CNOT6L: variants seen among roughly 807,000 people sequenced by gnomAD.
CNOT6L encodes CCR4-NOT transcription complex subunit 6-like.
Under a neutral mutation model 64.0 loss-of-function variants are expected in CNOT6L, and 7 were observed. The observed-to-expected ratio is 0.11, with a 90% confidence interval of 0.06 to 0.21. The LOEUF (loss-of-function observed/expected upper bound fraction) is 0.21. CNOT6L is among the 10% of genes least tolerant of loss of function. The probability of loss-of-function intolerance (pLI) is 1.00; values close to 1 mark genes in which losing one functional copy is unlikely to be tolerated. For synonymous variants in CNOT6L, 193 were observed against 243.4 expected (o/e 0.79, Z 1.93); for missense variants, 245 against 669.0 (o/e 0.37, Z 6.99).
At chr4:77,796,571 C>T (rs770108900) in intron 1 of CNOT6L, among the ~76,000 whole-genome samples, 15 of 152,056 alleles carry the variant, frequency 9.9e-5, no homozygotes, top group Middle Eastern at 3.2e-3. Flanking sequence ...TTCTTGCCTG[C>T]GAACCAGGAG....
Position 77,718,233 on chromosome 4 carries a change from G to A in CNOT6L, c.*2198C>T, listed in dbSNP as rs1720948428. 6.6e-6 allele frequency: 1 copy of A among 152,428 alleles called. No homozygotes were observed. Among genetic ancestry groups the A allele is most frequent in the Admixed American group, 6.6e-5 (1 of 15,248 alleles). The allele number at this position is 152,428 out of a possible 1,614,324, so 9.4% of individuals were successfully genotyped here. On this transcript the variant is annotated 3_prime_UTR_variant, in exon 12 of 12. Coordinates refer to ENST00000504123, the MANE Select transcript of CNOT6L (RefSeq NM_144571.3). ...AATTAACATGCGTATATGAAAGGAG[G>A]AAAATGTTTTGTTAGTGCATATACC...
intron 1 of CNOT6L, among the ~76,000 whole-genome samples, chr4:77,806,357 G>A (rs970548470): frequency 6.6e-5 from 10 of 151,958 alleles, no homozygotes; most frequent in Admixed American, 1.3e-4. Context: ...CCTGGGAGGC[G>A]GAGGTTGCAG....
At chr4:77,779,050 A>AAAAAAAAAAAAAAC in intron 1 of CNOT6L, among the ~76,000 whole-genome samples, 1 of 95,668 alleles carries the variant, frequency 1.0e-5, no homozygotes, top group African/African-American at 3.7e-5. Flanking sequence ...CTGTCTCAAA[A>AAAAAAAAAAAAAAC]AAAAAAAAAA....
chr4:77,725,200 C>G (rs538928673), intron 11 of CNOT6L, among the ~76,000 whole-genome samples: 4 of 152,092 alleles, frequency 2.6e-5, no homozygotes, highest in Non-Finnish European at 5.9e-5. Context: ...TAACAACACA[C>G]GAATTTCTTT....
chr4:77,810,032 T>C (rs1303212735), intron 1 of CNOT6L, among the ~76,000 whole-genome samples: 1 of 152,062 alleles, frequency 6.6e-6, no homozygotes, highest in Non-Finnish European at 1.5e-5. Flanking sequence ...ATAAATTGTA[T>C]CTGTATCAAA....
intron 1 of CNOT6L, among the ~76,000 whole-genome samples, chr4:77,789,873 C>G (rs1391713191): frequency 1.4e-5 from 2 of 144,272 alleles, no homozygotes; most frequent in Admixed American, 1.5e-4. Flanking sequence ...ATTGCTTGAG[C>G]CCAAGAAGTG....
In CNOT6L at chr4:77,717,007, A is replaced by C. The variant is rs937254983; in HGVS notation, c.*3424T>G. The stretch of plus-strand genomic sequence containing the variant: ...GCCTTACATCAAAGAAATGAAACAA[A>C]AATATTCAGCTATGTTATTATACAA... On this transcript the variant is annotated 3_prime_UTR_variant, in exon 12 of 12. Transcript: ENST00000504123. The C allele has an allele frequency of 2.0e-5, 3 of 152,566 alleles. No individual in the cohort carries two copies. Among genetic ancestry groups the C allele is most frequent in the Non-Finnish European group, 2.9e-5 (2 of 68,028 alleles). The allele number at this position is 152,566 out of a possible 1,614,324, so 9.5% of individuals were successfully genotyped here.
intron 1 of CNOT6L, among the ~76,000 whole-genome samples, chr4:77,813,934 A>T (rs1733258074): frequency 6.6e-6 from 1 of 152,190 alleles, no homozygotes; most frequent in Admixed American, 6.5e-5. Flanking sequence ...CATACATAAG[A>T]ACTTGTACAT....
intron 1 of CNOT6L, among the ~76,000 whole-genome samples, chr4:77,815,287 AT>A (rs1367199520): frequency 6.6e-6 from 1 of 152,210 alleles, no homozygotes; most frequent in African/African-American, 2.4e-5. Context: ...CACAATGACA[AT>A]CAATAACTGG....
At chr4:77,727,562 C>CAAAAAAA (rs55848621) in intron 10 of CNOT6L, among the ~76,000 whole-genome samples, 3 of 84,598 alleles carry the variant, frequency 3.5e-5, no homozygotes, top group Non-Finnish European at 4.4e-5. Context: ...AACTCTGTCT[C>CAAAAAAA]AAAAAAAAAA....
In CNOT6L at chr4:77,774,684, A is replaced by C. The variant is rs1417492991; in HGVS notation, c.160T>G (p.Ser54Ala). 9 of 1,611,250 alleles carry C rather than the reference A, an allele frequency of 5.6e-6. No homozygotes were observed. The highest frequency in any genetic ancestry group is 1.3e-5 in the African/African-American group (1 of 74,684). The change falls in exon 3 of 12, where the codon TCA becomes GCA. Residue 54 changes from serine to alanine, a missense_variant. This residue lies in a region of CNOT6L where 78 missense variants were observed against 137.6 expected (regional missense o/e 0.57). Coordinates refer to ENST00000504123, the MANE Select transcript of CNOT6L (RefSeq NM_144571.3). Reference protein sequence around the residue: ...RVRSLSTSLWSLTHLTALHLN... With the variant: ...RVRSLSTSLWALTHLTALHLN... ...TGCAGCGCTGTCAAGTGTGTCAATG[A>C]CCAAAGTGATGTACTTAGGCTCCGC...
rs540557415 is a variant in CNOT6L at position 77,719,449 on chromosome 4, C to G, written c.*982G>C. ...TCTATGTTGGAAACACATAAAATATCTGTATGATTTTCCCCATCTGAAACT... is the reference window on the plus strand; with the variant it reads ...TCTATGTTGGAAACACATAAAATATGTGTATGATTTTCCCCATCTGAAACT... On this transcript the variant is annotated 3_prime_UTR_variant, in exon 12 of 12. Transcript: ENST00000504123. 6.5e-6 allele frequency: 1 copy of G among 152,700 alleles called. No homozygotes were observed. Among genetic ancestry groups the G allele is most frequent in the Admixed American group, 6.5e-5 (1 of 15,280 alleles). The allele number at this position is 152,700 out of a possible 1,614,324, so 9.5% of individuals were successfully genotyped here. A position where few individuals can be genotyped will look rare whatever the true frequency, so the allele number is the denominator to read the frequency against.
At chr4:77,795,075 A>T (rs1730676670) in intron 1 of CNOT6L, among the ~76,000 whole-genome samples, 2 of 146,532 alleles carry the variant, frequency 1.4e-5, no homozygotes, top group Non-Finnish European at 3.0e-5. Flanking sequence ...GCTGGAGTGC[A>T]ATGGCACCAT....
At chr4:77,769,808 C>A (rs180985861) in intron 4 of CNOT6L, among the ~76,000 whole-genome samples, 27 of 152,074 alleles carry the variant, frequency 1.8e-4, no homozygotes, top group Non-Finnish European at 3.5e-4. Context: ...ACCAAGTAAT[C>A]CTTGGAAGAA....
At chr4:77,803,558 G>C (rs1426946734) in intron 1 of CNOT6L, among the ~76,000 whole-genome samples, 1 of 152,160 alleles carries the variant, frequency 6.6e-6, no homozygotes, top group East Asian at 1.9e-4. Context: ...TCAATCAACA[G>C]GGGACTGAAT....
upstream of CNOT6L, chr4:77,819,671 G>A: frequency 6.6e-6 from 1 of 151,522 alleles, no homozygotes; most frequent in South Asian, 1.8e-4. Flanking sequence ...GGCGGCGGGG[G>A]AGGCGGCGGC....
chr4:77,758,347 C>G (rs1725798332), intron 4 of CNOT6L, among the ~76,000 whole-genome samples: 1 of 152,048 alleles, frequency 6.6e-6, no homozygotes, highest in Non-Finnish European at 1.5e-5. Flanking sequence ...AAAAGAAAAT[C>G]AGTCATCAAG....
intron 4 of CNOT6L, among the ~76,000 whole-genome samples, chr4:77,764,163 G>A (rs905898432): frequency 5.3e-5 from 8 of 152,060 alleles, no homozygotes; most frequent in African/African-American, 1.2e-4. Flanking sequence ...GAAGCTCCAC[G>A]GTAATATGGA....
chr4:77,799,967 T>G (rs890730328), intron 1 of CNOT6L, among the ~76,000 whole-genome samples: 1 of 152,120 alleles, frequency 6.6e-6, no homozygotes, highest in Non-Finnish European at 1.5e-5. Flanking sequence ...TCTCTGGTAG[T>G]ACATGGCAAA....
Sources: allele counts gnomAD v4.1 joint callset (sites outside exome capture counted in the v4.1 genomes callset), GRCh38; gene constraint gnomAD v4.1.1; regional missense constraint gnomAD v4.1.1; transcripts MANE v1.5; gene names NCBI Gene and HGNC (gene_info 2026-07-23, HGNC 2026-07-21).